Variants in WDR17 observed in about 807,000 individuals in gnomAD.
WDR17 encodes the protein WD repeat domain 17, also known as WD repeat-containing protein 17.
In WDR17, 143 loss-of-function variants were observed where a neutral mutation model predicts 161.7. The observed-to-expected ratio is 0.88, with a 90% CI of 0.77 to 1.02. WDR17 has a LOEUF of 1.02. Ranked by LOEUF, WDR17 falls within the 50% of genes least tolerant of loss-of-function variation. The pLI, the probability that WDR17 is intolerant of heterozygous loss-of-function variation, is 0.00. For synonymous variants in WDR17, 517 were observed against 515.6 expected, an observed-to-expected ratio of 1.00 and a Z score of -0.04; for missense variants, 1,469 against 1,520.9, an observed-to-expected ratio of 0.97 and a Z score of 0.57.
chr4:176,153,542 G>C (rs1238414427), intron 17 of WDR17, among the ~76,000 whole-genome samples: 1 of 152,078 alleles, frequency 6.6e-6, no homozygotes, highest in Non-Finnish European at 1.5e-5. Context: ...TCCCTTTTCT[G>C]TATATGCATT....
intron 1 of WDR17, among the ~76,000 whole-genome samples, chr4:176,086,091 A>G (rs184179060): frequency 6.8e-4 from 104 of 151,956 alleles, no homozygotes; most frequent in African/African-American, 2.4e-3. Flanking sequence ...TAATTTCTAG[A>G]TAGTTGTGGA....
At chr4:176,146,707 T>C (rs1746230897) in intron 12 of WDR17, among the ~76,000 whole-genome samples, 1 of 152,324 alleles carries the variant, frequency 6.6e-6, no homozygotes, top group South Asian at 2.1e-4. Flanking sequence ...CAGTAAGTTA[T>C]TTTGATACAA....
intron 23 of WDR17, among the ~76,000 whole-genome samples, chr4:176,172,055 A>G (rs995110183): frequency 5.3e-5 from 8 of 152,104 alleles, no homozygotes; most frequent in Admixed American, 6.5e-5. Context: ...AATTAATTTC[A>G]TCATTTGGGT....
chr4:176,082,491 A>G (rs1225914498), intron 1 of WDR17, among the ~76,000 whole-genome samples: 1 of 152,074 alleles, frequency 6.6e-6, no homozygotes, highest in Non-Finnish European at 1.5e-5. Context: ...ATGCAACATT[A>G]CAGTGGCTTA....
intron 1 of WDR17, among the ~76,000 whole-genome samples, chr4:176,101,468 CAG>C (rs2126661016): frequency 6.6e-6 from 1 of 152,194 alleles, no homozygotes; most frequent in South Asian, 2.1e-4. Context: ...GCATCAGAAC[CAG>C]AGTCAGATAC....
chr4:176,148,307 T>C lies in WDR17; in HGVS notation c.1869T>C (p.Thr623=). The C allele has an allele frequency of 1.2e-6, 2 of 1,613,980 alleles. No individual in the cohort carries two copies. The highest frequency in any genetic ancestry group is 1.7e-6 in the Non-Finnish European group (2 of 1,179,890). Residue 623 remains threonine (T), a synonymous_variant, in exon 13 of 29, where the codon ACT becomes ACC. Transcript: ENST00000508596. ...CTCGAGAAGGAACTTGTGTGGATACTGTGTATGATCACGGTGCAGATGTAT... is the reference window on the plus strand; with the variant it reads ...CTCGAGAAGGAACTTGTGTGGATACCGTGTATGATCACGGTGCAGATGTAT... ...WDTREGTCVD[T]VYDHGADVYG...
chr4:176,172,538 G>T (rs1206987150), intron 24 of WDR17, 22 bp downstream of exon 24: 7 of 1,545,832 alleles, frequency 4.5e-6, no homozygotes, highest in Middle Eastern at 1.8e-4. Flanking sequence ...GTTGGTAGTA[G>T]AATTTTAAAT....
At chr4:176,156,355 T>G (rs867834742) in intron 18 of WDR17, among the ~76,000 whole-genome samples, 1 of 152,152 alleles carries the variant, frequency 6.6e-6, no homozygotes, top group Non-Finnish European at 1.5e-5. Context: ...CTGATGAAGA[T>G]AGCAGAAGGC....
At chr4:176,109,529 A>T (rs1739358000) in intron 1 of WDR17, among the ~76,000 whole-genome samples, 2 of 152,196 alleles carry the variant, frequency 1.3e-5, no homozygotes. Flanking sequence ...TGCTCAGATA[A>T]GGGGATTTAA....
chr4:176,140,043 CTG>C (rs753832362), intron 10 of WDR17, 69 bp downstream of exon 10: 1,059 of 1,325,212 alleles, frequency 8.0e-4, no homozygotes, highest in Non-Finnish European at 1.0e-3. Context: ...ATCATTCCAA[CTG>C]TGTATCCATG....
intron 1 of WDR17, among the ~76,000 whole-genome samples, chr4:176,082,533 T>G (rs900658116): frequency 3.3e-5 from 5 of 152,064 alleles, no homozygotes; most frequent in African/African-American, 1.2e-4. Context: ...TGAGACATCT[T>G]CCAGTTCCCG....
intron 9 of WDR17, among the ~76,000 whole-genome samples, chr4:176,139,014 A>C (rs959612577): frequency 6.6e-6 from 1 of 151,830 alleles, no homozygotes; most frequent in African/African-American, 2.4e-5. Flanking sequence ...CTGAATGAAT[A>C]AAAGGACTAG....
At chr4:176,151,100 A>G (rs1378971144) in intron 16 of WDR17, among the ~76,000 whole-genome samples, 1 of 151,866 alleles carries the variant, frequency 6.6e-6, no homozygotes, top group Non-Finnish European at 1.5e-5. Flanking sequence ...TCGTTAGAGC[A>G]TGGAGACAGT....
intron 22 of WDR17, 99 bp from the exon 23 acceptor site, chr4:176,168,573 G>A: frequency 7.3e-7 from 1 of 1,379,290 alleles, no homozygotes; most frequent in Middle Eastern, 1.9e-4. Flanking sequence ...TAAAAAGCAA[G>A]AGTGGTATAT....
chr4:176,066,024 G>A lies in WDR17; in HGVS notation c.-62G>A, dbSNP rs752139268. ...TTGGTGGTGCTCGCCTCGCAGCTGC[G>A]CCCGCCGGCTTCAGCACCTTCCGCT... On this transcript the variant is annotated 5_prime_UTR_variant, in exon 1 of 29. Coordinates refer to ENST00000508596, the MANE Select transcript of WDR17 (RefSeq NM_181265.4). 6 of 152,102 alleles carry A rather than the reference G, an allele frequency of 3.9e-5. No individual in the cohort carries two copies. Among genetic ancestry groups the A allele is most frequent in the Non-Finnish European group, 5.9e-5 (4 of 68,010 alleles). The allele number at this position is 152,102 out of a possible 1,614,324, so 9.4% of individuals were successfully genotyped here.
chr4:176,135,246 G>A lies in WDR17; in HGVS notation c.1237G>A (p.Gly413Ser), dbSNP rs1194230491. ...TAVYTSPGNEGVIYSLSWAPG... is the reference protein window; with the variant it reads ...TAVYTSPGNESVIYSLSWAPG... The stretch of plus-strand genomic sequence containing the variant: ...AGTGTACACATCCCCGGGTAATGAA[G>A]GTGTTATTTATTCCCTTTCTTGGGC... Residue 413 changes from glycine (G) to serine (S), a missense_variant, in exon 8 of 29, where the codon GGT (glycine) becomes AGT (serine). Physicochemically the swap from Gly to Ser is moderately conservative, Grantham distance 56. Coordinates refer to ENST00000508596, the MANE Select transcript of WDR17 (RefSeq NM_181265.4). The A allele has an allele frequency of 5.6e-6, 9 of 1,611,936 alleles. No individual in the cohort carries two copies. The highest frequency in any genetic ancestry group is 7.6e-6 in the Non-Finnish European group (9 of 1,178,410).
chr4:176,146,329 G>C (rs1322213842), intron 12 of WDR17, among the ~76,000 whole-genome samples, 170 bp downstream of exon 12: 1 of 152,116 alleles, frequency 6.6e-6, no homozygotes, highest in Non-Finnish European at 1.5e-5. Flanking sequence ...CACCTCCCAG[G>C]TTCAAGTGAT....
chr4:176,150,103 G>A lies in WDR17; in HGVS notation c.2108G>A (p.Arg703Lys). Residue 703 changes from arginine (R) to lysine (K), a missense_variant, in exon 15 of 29, where the codon AGA (arginine) becomes AAA (lysine). Physicochemically the swap from Arg to Lys is conservative, Grantham distance 26. Transcript: ENST00000508596. Reference sequence around the variant, plus strand: ...TGTGGTAAAGTGTCAAGAGATATTAGACAGGAAATAGAAAAACTAACTGCT... The same window carrying A: ...TGTGGTAAAGTGTCAAGAGATATTAAACAGGAAATAGAAAAACTAACTGCT... Reference protein sequence around the residue: ...LLCGKVSRDIRQEIEKLTANS... With the variant: ...LLCGKVSRDIKQEIEKLTANS... 1 of 1,613,946 alleles carries A rather than the reference G, an allele frequency of 6.2e-7. No individual in the cohort carries two copies. Among genetic ancestry groups the A allele is most frequent in the Non-Finnish European group, 8.5e-7 (1 of 1,179,960 alleles).
chr4:176,081,693 T>C (rs956583266), intron 1 of WDR17, among the ~76,000 whole-genome samples: 4 of 152,252 alleles, frequency 2.6e-5, no homozygotes, highest in African/African-American at 9.6e-5. Flanking sequence ...CCTTCGGGGA[T>C]GCAAGACAGC....
Sources: allele counts gnomAD v4.1 joint callset (sites outside exome capture counted in the v4.1 genomes callset), GRCh38; gene constraint gnomAD v4.1.1; transcripts MANE v1.5; gene names NCBI Gene and HGNC (gene_info 2026-07-23, HGNC 2026-07-21).